ZNF385D: variants seen among roughly 807,000 people sequenced by gnomAD.
The protein encoded by ZNF385D is zinc finger protein 385D.
ZNF385D carries 15 observed loss-of-function variants against 35.8 expected under a neutral mutation model. The observed-to-expected ratio is 0.42, with a 90% CI of 0.28 to 0.64. The LOEUF (loss-of-function observed/expected upper bound fraction) is 0.64. Ranked by LOEUF, ZNF385D falls within the 30% of genes least tolerant of loss-of-function variation. The pLI, the probability that ZNF385D is intolerant of heterozygous loss-of-function variation, is 0.23. For synonymous variants in ZNF385D, 212 were observed against 186.8 expected (o/e 1.13, Z -1.10); for missense variants, 474 against 494.6 (o/e 0.96, Z 0.39).
chr3:21,487,160 C>A (rs950127993), intron 4 of ZNF385D, among the ~76,000 whole-genome samples: 2 of 152,056 alleles, frequency 1.3e-5, no homozygotes, highest in African/African-American at 4.8e-5. Context: ...TGTAACACAC[C>A]AGATATTTTA....
intron 2 of ZNF385D, among the ~76,000 whole-genome samples, chr3:22,222,572 A>T (rs112928652): frequency 2.6e-5 from 4 of 152,170 alleles, no homozygotes; most frequent in African/African-American, 9.6e-5. Context: ...CTAGGCTTGC[A>T]TAACAGGAAC....
At chr3:21,560,709 G>A (rs2062912340) in intron 3 of ZNF385D, among the ~76,000 whole-genome samples, 1 of 152,204 alleles carries the variant, frequency 6.6e-6, no homozygotes, top group Admixed American at 6.5e-5. Flanking sequence ...GAGTCATCAG[G>A]CAGGGAACAT....
chr3:21,897,157 G>T (rs1025733874), intron 3 of ZNF385D, among the ~76,000 whole-genome samples: 1 of 152,158 alleles, frequency 6.6e-6, no homozygotes, highest in African/African-American at 2.4e-5. Flanking sequence ...TGCTAGTTTG[G>T]AGGGGTTTTT....
At chr3:21,498,349 CA>C (rs1024461984) in intron 4 of ZNF385D, among the ~76,000 whole-genome samples, 28 of 147,416 alleles carry the variant, frequency 1.9e-4, no homozygotes, top group East Asian at 4.0e-4. Flanking sequence ...GCAATTGCAA[CA>C]AAAAAAAAAT....
rs1696675299 is a variant in ZNF385D, at chr3:22,366,751, TATTACATTA to T, written c.106+5690_106+5698del. ...TTTGGAAAAAGGGTTTTTCATATGT[TATTACATTA>T]AGGATTTTTAAGTGAGATTTTCCTG... On this transcript the variant is annotated intron_variant, in intron 2 of 5. Coordinates refer to the ZNF385D transcript ENST00000494108. 2.0e-5 allele frequency among the ~76,000 whole-genome samples: 3 copies of T among 152,326 alleles called. No homozygotes were observed. In the East Asian group the frequency reaches 5.8e-4, roughly 29 times the overall value.
At chr3:21,453,306 A>T (rs1403407837) in intron 4 of ZNF385D, among the ~76,000 whole-genome samples, 4 of 151,994 alleles carry the variant, frequency 2.6e-5, no homozygotes, top group Non-Finnish European at 1.5e-5. Context: ...ACCTTGTATT[A>T]GGCAATGGTT....
intron 4 of ZNF385D, chr3:21,443,368 A>T (rs887453338): frequency 2.0e-6 from 2 of 984,434 alleles, no homozygotes; most frequent in Admixed American, 6.2e-5. Context: ...ACATATTTAG[A>T]TATATGGCAT....
intron 2 of ZNF385D, among the ~76,000 whole-genome samples, chr3:22,199,935 T>C (rs1696670974): frequency 6.6e-6 from 1 of 152,132 alleles, no homozygotes; most frequent in Non-Finnish European, 1.5e-5. Flanking sequence ...ATGCTTATTA[T>C]ATTCTAGAAA....
intron 3 of ZNF385D, among the ~76,000 whole-genome samples, chr3:22,085,525 G>A (rs1700984429): frequency 6.6e-6 from 1 of 152,098 alleles, no homozygotes; most frequent in African/African-American, 2.4e-5. Flanking sequence ...GACTAAACCA[G>A]GAAGAAGTTG....
intron 1 of ZNF385D, among the ~76,000 whole-genome samples, chr3:21,708,777 T>C (rs1406299172): frequency 2.0e-5 from 3 of 152,128 alleles, no homozygotes; most frequent in Non-Finnish European, 4.4e-5. Flanking sequence ...CAGATTTGCA[T>C]CAGTAGACTT....
chr3:21,563,438 G>A (rs777284421), intron 3 of ZNF385D: 2 of 152,204 alleles, frequency 1.3e-5, no homozygotes, highest in Non-Finnish European at 1.5e-5. Flanking sequence ...AATGGATATT[G>A]TAAAATTACC....
At chr3:21,568,468 G>A (rs1469222906) in intron 2 of ZNF385D, among the ~76,000 whole-genome samples, 1 of 152,142 alleles carries the variant, frequency 6.6e-6, no homozygotes, top group African/African-American at 2.4e-5. Context: ...GGTCTGATCT[G>A]TCAAAACAGT....
intron 3 of ZNF385D, among the ~76,000 whole-genome samples, chr3:21,949,037 A>G (rs1426066386): frequency 1.3e-5 from 2 of 152,110 alleles, no homozygotes; most frequent in African/African-American, 2.4e-5. Flanking sequence ...TTACCTTTTT[A>G]CCATTTGTGC....
intron 2 of ZNF385D, among the ~76,000 whole-genome samples, chr3:22,324,298 G>T (rs746761930): frequency 3.3e-5 from 5 of 152,084 alleles, no homozygotes; most frequent in Non-Finnish European, 7.4e-5. Context: ...ATCATTATTT[G>T]TAACTAGTAT....
Position 22,150,556 on chromosome 3 carries a change from C to T in ZNF385D, c.325+18261G>A, listed in dbSNP as rs567347772. 6.2e-4 allele frequency among the ~76,000 whole-genome samples: 95 copies of T among 152,194 alleles called. 1 individual carries two copies. Among genetic ancestry groups the T allele is most frequent in the African/African-American group, 2.2e-3 (92 of 41,550 alleles). On this transcript the variant is annotated intron_variant, in intron 3 of 5. Transcript: ENST00000494108. Reference sequence around the variant, plus strand: ...AGAAGTTATTTACATAGAAGGCATACCCACTGCAATGAGCACTAAAAAGAA... The same window carrying T: ...AGAAGTTATTTACATAGAAGGCATATCCACTGCAATGAGCACTAAAAAGAA...
At chr3:22,334,715 C>A (rs1257012124) in intron 2 of ZNF385D, among the ~76,000 whole-genome samples, 2 of 152,042 alleles carry the variant, frequency 1.3e-5, no homozygotes, top group Admixed American at 1.3e-4. Context: ...ACATTTTACC[C>A]TACTTTTATT....
chr3:22,371,905 G>T (rs1364526411), intron 2 of ZNF385D, among the ~76,000 whole-genome samples: 1 of 152,068 alleles, frequency 6.6e-6, no homozygotes, highest in Non-Finnish European at 1.5e-5. Context: ...TGTATCTCAG[G>T]TTTTTTTAAG....
intron 3 of ZNF385D, among the ~76,000 whole-genome samples, chr3:21,943,138 G>A (rs946375753): frequency 1.3e-5 from 2 of 151,784 alleles, no homozygotes; most frequent in African/African-American, 2.4e-5. Context: ...AATGAGGGAA[G>A]TATTAATTTA....
chr3:21,922,461 A>G (rs1477458022), intron 3 of ZNF385D, among the ~76,000 whole-genome samples: 1 of 152,236 alleles, frequency 6.6e-6, no homozygotes, highest in Non-Finnish European at 1.5e-5. Context: ...ATGGAACAGA[A>G]TAGACAACCC....
Sources: gnomAD v4.1 joint callset for allele counts (sites outside exome capture counted in the v4.1 genomes callset) on GRCh38, gnomAD v4.1.1 for gene constraint, MANE v1.5 for transcripts, NCBI Gene and HGNC (gene_info 2026-07-23, HGNC 2026-07-21) for gene names.